Variants in MCC observed in about 807,000 individuals in gnomAD.
MCC encodes the protein colorectal mutant cancer protein.
Under a neutral mutation model 116.2 loss-of-function variants are expected in MCC, and 90 were observed. That is an observed-to-expected ratio of 0.77 (90% CI 0.65 to 0.92). MCC has a LOEUF of 0.92. Among genes scored for constraint, MCC ranks in the 40% least tolerant of loss-of-function variants. MCC has a pLI of 0.00. For missense variants in MCC, 1,516 were observed against 1,312.2 expected (o/e 1.16, Z -2.40); for synonymous variants, 578 against 510.5 (o/e 1.13, Z -1.78).
chr5:113,385,192 C>A lies in MCC; in HGVS notation c.191G>T (p.Cys64Phe), dbSNP rs1179704946. Residue 64 changes from cysteine (C) to phenylalanine (F), a missense_variant, in exon 2 of 19, where the codon TGT (cysteine) becomes TTT (phenylalanine). Cys to Phe is a radical substitution (Grantham distance 205, BLOSUM62 -2). Transcript: ENST00000408903. Reference sequence around the variant, plus strand: ...AGACTCTTCCATATTCAGCTGGCGACAGACCATTAGCAAGTCATTTCTGCA... The same window carrying A: ...AGACTCTTCCATATTCAGCTGGCGAAAGACCATTAGCAAGTCATTTCTGCA... ...YISRNDLLMV[C>F]RQLNMEESVA... 1 of 1,613,726 alleles carries A rather than the reference C, an allele frequency of 6.2e-7. No homozygotes were observed. Among genetic ancestry groups the A allele is most frequent in the Admixed American group, 1.7e-5 (1 of 59,984 alleles).
chr5:113,058,865 T>C (rs1753016397), intron 14 of MCC, among the ~76,000 whole-genome samples: 2 of 152,214 alleles, frequency 1.3e-5, no homozygotes, highest in African/African-American at 2.4e-5. Context: ...ACTTTCCTGA[T>C]GGCTTTGCCA....
intron 10 of MCC, 88 bp from the exon 11 acceptor site, chr5:113,083,096 C>T (rs984458599): frequency 3.4e-5 from 44 of 1,309,914 alleles, no homozygotes; most frequent in East Asian, 7.1e-5. Flanking sequence ...GCTGATATTC[C>T]GTGAGAATCG....
intron 1 of MCC, among the ~76,000 whole-genome samples, chr5:113,440,700 T>A (rs1471316848): frequency 6.6e-6 from 1 of 152,096 alleles, no homozygotes; most frequent in East Asian, 1.9e-4. Context: ...GTGATGTCTA[T>A]ATCCTTTAAG....
intron 1 of MCC, among the ~76,000 whole-genome samples, chr5:113,449,570 T>A (rs1465941968): frequency 2.0e-5 from 3 of 152,220 alleles, no homozygotes; most frequent in African/African-American, 7.2e-5. Context: ...AGGACTTATC[T>A]AAACACAAAG....
intron 3 of MCC, among the ~76,000 whole-genome samples, chr5:113,220,144 A>G (rs819208): frequency 0.068 from 2,598 of 38,062 alleles, 928 homozygotes; most frequent in Middle Eastern, 0.57. Flanking sequence ...TGCAAGCTCC[A>G]CCTCCCGGGT....
chr5:113,471,443 C>T (rs1430554900), intron 1 of MCC, among the ~76,000 whole-genome samples: 6 of 152,150 alleles, frequency 3.9e-5, no homozygotes, highest in African/African-American at 1.4e-4. Flanking sequence ...CCACTCCAGA[C>T]CCTTTCTGCC....
intron 1 of MCC, among the ~76,000 whole-genome samples, chr5:113,423,207 G>C (rs555825427): frequency 6.6e-6 from 1 of 152,182 alleles, no homozygotes; most frequent in South Asian, 2.1e-4. Context: ...TGATAACTTT[G>C]CTGTCTAAAG....
rs184190733 is a variant in MCC at position 113,060,703 on chromosome 5, T to C, written c.2213+3281A>G. ...AAAAAAAACCATAAAAAGCATTCCA[T>C]GTCTATACCTTGTTCTCATAGAACC... On this transcript the variant is annotated intron_variant, in intron 14 of 18. Coordinates refer to ENST00000408903, the MANE Select transcript of MCC (RefSeq NM_001085377.2). Among the ~76,000 whole-genome samples the C allele has an allele frequency of 7.9e-5, 12 of 152,360 alleles. No individual in the cohort carries two copies. The East Asian group carries it at 2.3e-3, about 29-fold the overall frequency.
chr5:113,324,937 A>G (rs1376347907), intron 3 of MCC, among the ~76,000 whole-genome samples: 1 of 149,922 alleles, frequency 6.7e-6, no homozygotes, highest in African/African-American at 2.5e-5. Context: ...GGCTTAAGGG[A>G]TCCTCCCACC....
At chr5:113,141,471 T>C (rs995481120) in intron 5 of MCC, among the ~76,000 whole-genome samples, 2 of 152,236 alleles carry the variant, frequency 1.3e-5, no homozygotes, top group Non-Finnish European at 2.9e-5. Context: ...TATTGGTTTC[T>C]GTCTCTCTGG....
At chr5:113,074,215 G>A (rs564427473) in intron 11 of MCC, among the ~76,000 whole-genome samples, 38 of 152,326 alleles carry the variant, frequency 2.5e-4, no homozygotes, top group African/African-American at 8.7e-4. Flanking sequence ...AACATCTGCC[G>A]TTCTGCAGTA....
At chr5:113,277,953 G>T (rs1384905445) in intron 3 of MCC, among the ~76,000 whole-genome samples, 8 of 152,108 alleles carry the variant, frequency 5.3e-5, no homozygotes, top group Non-Finnish European at 1.2e-4. Flanking sequence ...AACTCAGAAT[G>T]CCCAAATCTA....
intron 1 of MCC, among the ~76,000 whole-genome samples, chr5:113,424,671 C>A (rs1450816736): frequency 6.6e-6 from 1 of 152,016 alleles, no homozygotes; most frequent in Non-Finnish European, 1.5e-5. Context: ...TGAGATTGTG[C>A]CATTGTACTC....
rs1367512437 is a variant in MCC at position 113,095,694 on chromosome 5, A to AG, written c.1398+6044_1398+6045insC. On this transcript the variant is annotated intron_variant, in intron 8 of 18. Coordinates refer to ENST00000408903, the MANE Select transcript of MCC (RefSeq NM_001085377.2). ...CCATCACACTTGGCTAATTAAAAAA[A>AG]AAAAAATTTTTTTTTTGGTAGAACA... Among the ~76,000 whole-genome samples the AG allele has an allele frequency of 7.9e-5, 12 of 151,882 alleles. 1 individual carries two copies. The highest frequency in any genetic ancestry group is 2.7e-4 in the African/African-American group (11 of 41,246).
intron 3 of MCC, among the ~76,000 whole-genome samples, chr5:113,203,760 A>G (rs60937073): frequency 0.014 from 2,200 of 152,328 alleles, 55 homozygotes; most frequent in African/African-American, 0.05. Flanking sequence ...GTGAAATGAT[A>G]GGTTAAGATG....
At chr5:113,400,462 C>T (rs975928847) in intron 1 of MCC, among the ~76,000 whole-genome samples, 1 of 152,010 alleles carries the variant, frequency 6.6e-6, no homozygotes, top group Admixed American at 6.6e-5. Flanking sequence ...CCTATTGACA[C>T]TGTAGTGAAA....
At chr5:113,303,061 G>C (rs1357402672) in intron 3 of MCC, among the ~76,000 whole-genome samples, 1 of 152,156 alleles carries the variant, frequency 6.6e-6, no homozygotes, top group East Asian at 1.9e-4. Context: ...CCAGTTTTTG[G>C]GTTGGTGTGG....
chr5:113,029,336 A>G (rs1281898796), intron 17 of MCC, among the ~76,000 whole-genome samples: 1 of 151,136 alleles, frequency 6.6e-6, no homozygotes, highest in African/African-American at 2.4e-5. Flanking sequence ...CTTCTAGCTA[A>G]TCTAGAAGTT....
At chr5:113,266,791 G>C (rs142918428) in intron 3 of MCC, among the ~76,000 whole-genome samples, 1 of 150,004 alleles carries the variant, frequency 6.7e-6, no homozygotes, top group African/African-American at 2.4e-5. Context: ...CCCTCCATAT[G>C]GACAAAAAAA....
Sources: allele counts gnomAD v4.1 joint callset (sites outside exome capture counted in the v4.1 genomes callset), GRCh38; gene constraint gnomAD v4.1.1; transcripts MANE v1.5; gene names NCBI Gene and HGNC (gene_info 2026-07-23, HGNC 2026-07-21).